PCDH15: variants seen among roughly 807,000 people sequenced by gnomAD.
The protein encoded by PCDH15 is protocadherin related 15, also known as protocadherin-15.
In PCDH15, 129 loss-of-function variants were observed where a neutral mutation model predicts 178.5. The observed-to-expected ratio is 0.72, with a 90% CI of 0.63 to 0.84. The LOEUF (loss-of-function observed/expected upper bound fraction) is 0.84, where lower values mean the gene tolerates loss of function less well. Ranked by LOEUF, PCDH15 falls within the 40% of genes least tolerant of loss-of-function variation. The pLI is 0.00. For synonymous variants in PCDH15, 800 were observed against 732.0 expected (o/e 1.09, Z -1.50); for missense variants, 2,230 against 2,099.9 (o/e 1.06, Z -1.21).
intron 2 of PCDH15, among the ~76,000 whole-genome samples, chr10:54,637,530 C>T (rs989167357): frequency 6.6e-6 from 1 of 152,034 alleles, no homozygotes; most frequent in South Asian, 2.1e-4. Context: ...GTACCACTCA[C>T]AACACGCACT....
At chr10:55,383,027 T>G (rs776218542) in intron 2 of PCDH15, among the ~76,000 whole-genome samples, 1 of 152,154 alleles carries the variant, frequency 6.6e-6, no homozygotes, top group Non-Finnish European at 1.5e-5. Context: ...ACTATCCTGT[T>G]GGTACCAGGT....
At chr10:54,673,233 C>A (rs2094710956) in intron 1 of PCDH15, among the ~76,000 whole-genome samples, 1 of 151,964 alleles carries the variant, frequency 6.6e-6, no homozygotes, top group Non-Finnish European at 1.5e-5. Flanking sequence ...CCTCCCCACC[C>A]CCGCGACAGG....
chr10:55,257,920 G>T (rs1842043988), intron 1 of PCDH15, among the ~76,000 whole-genome samples: 1 of 152,126 alleles, frequency 6.6e-6, no homozygotes, highest in African/African-American at 2.4e-5. Flanking sequence ...ACACATAATT[G>T]TCAGATTCAC....
chr10:54,433,703 CTGTT>C (rs2075176294), intron 3 of PCDH15, among the ~76,000 whole-genome samples: 1 of 152,062 alleles, frequency 6.6e-6, no homozygotes, highest in South Asian at 2.1e-4. Context: ...GTGTATTGGA[CTGTT>C]TGTAACACAA....
chr10:54,825,930 G>A (rs1472215207), intron 3 of PCDH15, among the ~76,000 whole-genome samples: 1 of 151,926 alleles, frequency 6.6e-6, no homozygotes, highest in Non-Finnish European at 1.5e-5. Flanking sequence ...TATTTATTAT[G>A]CATACAGCCT....
chr10:55,439,256 T>C (rs1477182387), intron 2 of PCDH15, among the ~76,000 whole-genome samples: 1 of 152,184 alleles, frequency 6.6e-6, no homozygotes, highest in Non-Finnish European at 1.5e-5. Flanking sequence ...GTCAGAATTC[T>C]GGATGGCAGC....
At chr10:55,497,658 G>A (rs918679892) in intron 2 of PCDH15, among the ~76,000 whole-genome samples, 4 of 151,764 alleles carry the variant, frequency 2.6e-5, no homozygotes, top group Admixed American at 6.6e-5. Flanking sequence ...ACCAATAGAA[G>A]ATATAAAACA....
chr10:54,685,703 T>C (rs1241044237), intron 1 of PCDH15, among the ~76,000 whole-genome samples: 1 of 152,200 alleles, frequency 6.6e-6, no homozygotes, highest in African/African-American at 2.4e-5. Flanking sequence ...ATAAACTCTG[T>C]CTACTGAACA....
intron 2 of PCDH15, among the ~76,000 whole-genome samples, chr10:54,581,704 C>T (rs530847988): frequency 1.4e-4 from 22 of 151,994 alleles, no homozygotes; most frequent in East Asian, 9.7e-4. Flanking sequence ...CAAAATAGGA[C>T]GGTATTAATA....
At chr10:55,591,904 A>C (rs4427481) in intron 2 of PCDH15, among the ~76,000 whole-genome samples, 47,746 of 152,062 alleles carry the variant, frequency 0.31, 7,716 homozygotes, top group African/African-American at 0.39. Context: ...TAATACACAT[A>C]CGTTATATAT....
chr10:55,036,563 G>A (rs1486557995), intron 2 of PCDH15, among the ~76,000 whole-genome samples: 1 of 152,060 alleles, frequency 6.6e-6, no homozygotes, highest in African/African-American at 2.4e-5. Flanking sequence ...ACCAGCCTGT[G>A]GAAGATTTGT....
intron 1 of PCDH15, among the ~76,000 whole-genome samples, chr10:55,284,072 G>A (rs1842804571): frequency 6.6e-6 from 1 of 152,092 alleles, no homozygotes; most frequent in Non-Finnish European, 1.5e-5. Context: ...ATATTGCAAT[G>A]GATGCTTTGG....
At chr10:54,692,609 GT>G (rs753729003) in intron 1 of PCDH15, among the ~76,000 whole-genome samples, 6 of 150,930 alleles carry the variant, frequency 4.0e-5, no homozygotes, top group Admixed American at 6.6e-5. Context: ...CTGTGATTCA[GT>G]TTACATAAGA....
intron 2 of PCDH15, among the ~76,000 whole-genome samples, chr10:55,400,699 T>C (rs907810168): frequency 6.6e-6 from 1 of 152,090 alleles, no homozygotes; most frequent in Non-Finnish European, 1.5e-5. Context: ...GTCTATTTAG[T>C]ACCCTTTTTT....
At chr10:54,135,904 T>A (rs2042863470) in intron 14 of PCDH15, among the ~76,000 whole-genome samples, 1 of 152,216 alleles carries the variant, frequency 6.6e-6, no homozygotes, top group Non-Finnish European at 1.5e-5. Flanking sequence ...GAAATAAGTT[T>A]ATATATTTGT....
At chr10:54,636,062 T>A (rs115427207) in intron 2 of PCDH15, among the ~76,000 whole-genome samples, 1 of 152,044 alleles carries the variant, frequency 6.6e-6, no homozygotes, top group Admixed American at 6.6e-5. Context: ...CGTTAATAAT[T>A]GACATGAAGT....
chr10:55,605,372 G>A (rs1250540289), intron 2 of PCDH15, among the ~76,000 whole-genome samples: 2 of 151,470 alleles, frequency 1.3e-5, no homozygotes, highest in Non-Finnish European at 3.0e-5. Context: ...TAGAAAAAGA[G>A]GGAATCCTCC....
In PCDH15 at chr10:54,757,472, G is replaced by A. The variant is rs1304683006; in HGVS notation, c.-29+43453C>T. ...TAATTTTTGTATTTTTAGTAGAGAC[G>A]GGGTTTCACCGTGTCAGCCAGGATG... is the stretch of plus-strand genomic sequence containing the variant. On this transcript the variant is annotated intron_variant, in intron 1 of 37. Transcript: ENST00000644397. 7.5e-5 allele frequency among the ~76,000 whole-genome samples: 4 copies of A among 53,564 alleles called. 1 individual carries two copies. Among genetic ancestry groups the A allele is most frequent in the Admixed American group, 1.5e-4 (1 of 6,460 alleles). The allele number at this position is 53,564 out of a possible 152,430, so 35.1% of individuals were successfully genotyped here.
intron 1 of PCDH15, among the ~76,000 whole-genome samples, chr10:54,765,085 T>C (rs578015909): frequency 9.3e-4 from 142 of 152,296 alleles, no homozygotes; most frequent in Non-Finnish European, 1.7e-3. Context: ...ACCCACAAGT[T>C]GTGGAGAAAA....
Sources: gnomAD v4.1 joint callset for allele counts (sites outside exome capture counted in the v4.1 genomes callset) on GRCh38, gnomAD v4.1.1 for gene constraint, MANE v1.5 for transcripts, NCBI Gene and HGNC (gene_info 2026-07-23, HGNC 2026-07-21) for gene names.